The following MAGI2 variants were observed in gnomAD, a reference collection of about 807,000 sequenced individuals.
The protein encoded by MAGI2 is membrane associated guanylate kinase, WW and PDZ domain containing 2, also known as membrane-associated guanylate kinase, WW and PDZ domain-containing protein 2.
A neutral mutation model predicts 133.3 loss-of-function variants in MAGI2; 35 were observed. The ratio of observed to expected loss-of-function variants is 0.26; its 90% CI spans 0.20 to 0.35. The LOEUF (loss-of-function observed/expected upper bound fraction) is 0.35, where lower values mean the gene tolerates loss of function less well. Ranked by LOEUF, MAGI2 falls within the 10% of genes least tolerant of loss-of-function variation. The pLI, the probability that MAGI2 is intolerant of heterozygous loss-of-function variation, is 1.00. For synonymous variants in MAGI2, 729 were observed against 710.6 expected (o/e 1.03, Z -0.41); for missense variants, 1,636 against 1,863.4 (o/e 0.88, Z 2.25).
At chr7:78,324,938 C>T (rs1021098954) in intron 9 of MAGI2, among the ~76,000 whole-genome samples, 1 of 152,050 alleles carries the variant, frequency 6.6e-6, no homozygotes, top group African/African-American at 2.4e-5. Context: ...TGTACTCCAG[C>T]CTGGGCGACA....
intron 1 of MAGI2, among the ~76,000 whole-genome samples, chr7:79,028,018 C>T (rs982802584): frequency 6.6e-6 from 1 of 151,172 alleles, no homozygotes; most frequent in Admixed American, 6.6e-5. Context: ...TCAAGAACAT[C>T]CTGGCCAACA....
chr7:78,775,583 T>C (rs1825930559), intron 2 of MAGI2, among the ~76,000 whole-genome samples: 1 of 152,152 alleles, frequency 6.6e-6, no homozygotes, highest in Non-Finnish European at 1.5e-5. Context: ...ATTTTATCTG[T>C]AACTGATAAC....
chr7:78,363,365 T>C (rs182709344), intron 7 of MAGI2, among the ~76,000 whole-genome samples: 29 of 152,068 alleles, frequency 1.9e-4, no homozygotes, highest in Admixed American at 6.5e-4. Flanking sequence ...CGGTGGCGGG[T>C]GCCTGTAGTC....
At chr7:78,126,772 G>T (rs776280623) in intron 19 of MAGI2, among the ~76,000 whole-genome samples, 61 of 152,208 alleles carry the variant, frequency 4.0e-4, no homozygotes, top group Admixed American at 1.6e-3. Context: ...TCACAGAGTG[G>T]CAGGTAGGGG....
chr7:78,154,863 AC>A (rs1186811938), intron 16 of MAGI2, among the ~76,000 whole-genome samples: 1 of 152,116 alleles, frequency 6.6e-6, no homozygotes, highest in Non-Finnish European at 1.5e-5. Context: ...AGTAGGGAGG[AC>A]CAAGGATTGG....
intron 2 of MAGI2, among the ~76,000 whole-genome samples, chr7:78,702,877 G>A (rs1255001636): frequency 1.3e-5 from 2 of 151,994 alleles, no homozygotes; most frequent in African/African-American, 4.8e-5. Flanking sequence ...TATGCAGTTG[G>A]TTAAATAAGT....
chr7:78,212,072 C>T (rs972873390), intron 10 of MAGI2, among the ~76,000 whole-genome samples: 4 of 152,152 alleles, frequency 2.6e-5, no homozygotes, highest in Admixed American at 2.0e-4. Context: ...AGTATTTATA[C>T]GATTATTTAC....
At chr7:78,966,877 T>C (rs1172145010) in intron 2 of MAGI2, among the ~76,000 whole-genome samples, 4 of 150,002 alleles carry the variant, frequency 2.7e-5, no homozygotes, top group African/African-American at 9.8e-5. Flanking sequence ...TCTTAAGTGA[T>C]GATTAGTGAT....
At chr7:79,273,970 G>T (rs370548341) in intron 1 of MAGI2, among the ~76,000 whole-genome samples, 3 of 151,944 alleles carry the variant, frequency 2.0e-5, no homozygotes, top group African/African-American at 4.8e-5. Context: ...TTGAACATAG[G>T]AGTAAATGCA....
At chr7:78,875,669 C>T (rs1299189120) in intron 2 of MAGI2, among the ~76,000 whole-genome samples, 3 of 151,952 alleles carry the variant, frequency 2.0e-5, no homozygotes, top group East Asian at 1.9e-4. Flanking sequence ...ATAAAATGAC[C>T]AATTTCAACC....
chr7:78,952,849 T>C (rs987769263), intron 2 of MAGI2, among the ~76,000 whole-genome samples: 4 of 152,216 alleles, frequency 2.6e-5, no homozygotes, highest in Non-Finnish European at 4.4e-5. Context: ...GAAGGGGTCA[T>C]CCAAGGATTG....
At chr7:79,050,949 G>GA (rs1375934419) in intron 1 of MAGI2, among the ~76,000 whole-genome samples, 5 of 152,134 alleles carry the variant, frequency 3.3e-5, no homozygotes, top group African/African-American at 1.2e-4. Flanking sequence ...AAAAAACTCG[G>GA]AAAAGAGTAC....
intron 20 of MAGI2, among the ~76,000 whole-genome samples, chr7:78,104,231 G>A (rs951277381): frequency 2.0e-5 from 3 of 152,106 alleles, no homozygotes; most frequent in African/African-American, 7.2e-5. Context: ...GGGGAGAGGG[G>A]CTGTTCAACA....
At chr7:79,000,939 A>G (rs1806795971) in intron 2 of MAGI2, among the ~76,000 whole-genome samples, 1 of 152,258 alleles carries the variant, frequency 6.6e-6, no homozygotes, top group African/African-American at 2.4e-5. Flanking sequence ...GTTTTTTGAG[A>G]TGGAATCTTG....
chr7:78,795,913 G>T (rs775433261), intron 2 of MAGI2, among the ~76,000 whole-genome samples: 60 of 152,194 alleles, frequency 3.9e-4, no homozygotes, highest in African/African-American at 1.3e-3. Flanking sequence ...AATAAATGGT[G>T]CCAGGTAAAC....
chr7:78,324,109 T>A (rs971740645), intron 9 of MAGI2, among the ~76,000 whole-genome samples: 7 of 151,868 alleles, frequency 4.6e-5, no homozygotes, highest in Admixed American at 1.3e-4. Context: ...ATTTAAAAAA[T>A]GGAGCAAAAT....
intron 3 of MAGI2, among the ~76,000 whole-genome samples, chr7:78,569,988 T>G (rs1258042513): frequency 6.6e-6 from 1 of 152,252 alleles, no homozygotes; most frequent in African/African-American, 2.4e-5. Flanking sequence ...TTGTTCTCAT[T>G]GCTACAGAGT....
At chr7:79,373,061 G>C (rs1007404755) in intron 1 of MAGI2, among the ~76,000 whole-genome samples, 136 of 152,156 alleles carry the variant, frequency 8.9e-4, no homozygotes, top group Non-Finnish European at 2.5e-4. Context: ...CAACAGGAGA[G>C]AGTAATTTTT....
intron 2 of MAGI2, among the ~76,000 whole-genome samples, chr7:78,757,737 T>G (rs535353418): frequency 6.6e-6 from 1 of 152,326 alleles, no homozygotes; most frequent in South Asian, 2.1e-4. Flanking sequence ...TGGTCTCTTT[T>G]GCATATTCCT....
Sources: allele counts gnomAD v4.1 joint callset (sites outside exome capture counted in the v4.1 genomes callset), GRCh38; gene constraint gnomAD v4.1.1; transcripts MANE v1.5; gene names NCBI Gene and HGNC (gene_info 2026-07-23, HGNC 2026-07-21).